The following ELAVL3 variants were observed in gnomAD, a reference collection of about 807,000 sequenced individuals.
ELAVL3 encodes ELAV like RNA binding protein 3.
ELAVL3 carries 8 observed loss-of-function variants against 34.2 expected under a neutral mutation model. That is an observed-to-expected ratio of 0.23 (90% CI 0.14 to 0.42). ELAVL3 has a LOEUF of 0.42. Ranked by LOEUF, ELAVL3 falls within the 10% of genes least tolerant of loss-of-function variation. The pLI, the probability that ELAVL3 is intolerant of heterozygous loss-of-function variation, is 1.00. For missense variants in ELAVL3, 273 were observed against 518.8 expected, an observed-to-expected ratio of 0.53 and a Z score of 4.60; for synonymous variants, 209 against 222.1, an observed-to-expected ratio of 0.94 and a Z score of 0.53.
chr19:11,458,631 G>T lies in ELAVL3; in HGVS notation c.334-20C>A. 1 of 1,612,476 alleles carries T rather than the reference G, an allele frequency of 6.2e-7. No individual in the cohort carries two copies. ...GGACACCTGGGTGAGGGGGTCAGAT[G>T]GACAGGGGTGAGGCAGAGACCCATT... On this transcript the variant is annotated intron_variant, in intron 3 of 6. Coordinates refer to ENST00000359227, the MANE Select transcript of ELAVL3 (RefSeq NM_001420.4). The surrounding 1 kb of genome is among the most constrained non-coding windows in gnomAD (Gnocchi z 7.3).
chr19:11,475,188 G>A (rs950310252), intron 1 of ELAVL3, among the ~76,000 whole-genome samples: 4 of 152,144 alleles, frequency 2.6e-5, no homozygotes, highest in African/African-American at 9.7e-5. Flanking sequence ...AGGCACTGTG[G>A]GAAATACTTT....
intron 1 of ELAVL3, among the ~76,000 whole-genome samples, chr19:11,471,194 C>A (rs1229296851): frequency 6.6e-6 from 1 of 151,872 alleles, no homozygotes; most frequent in Non-Finnish European, 1.5e-5. Flanking sequence ...CCTGTAATCT[C>A]AGCTACTCAG....
At chr19:11,474,375 T>C (rs1307834695) in intron 1 of ELAVL3, among the ~76,000 whole-genome samples, 2 of 152,096 alleles carry the variant, frequency 1.3e-5, no homozygotes, top group African/African-American at 2.4e-5. Flanking sequence ...GGCAGGCAGA[T>C]CACGAGGTCA....
At position 11,463,996 on chromosome 19, in the gene ELAVL3, C is replaced by CAA. The variant is rs1178739669; in HGVS notation, c.333+2174_333+2175dup. Among the ~76,000 whole-genome samples, 1,041 of 136,580 alleles carry CAA rather than the reference C, an allele frequency of 7.6e-3. 11 individuals are homozygous for CAA. The highest frequency in any genetic ancestry group is 0.026 in the African/African-American group (985 of 37,348). 89.6% of individuals were successfully genotyped at this position (136,580 alleles called of 152,430 possible). The stretch of plus-strand genomic sequence containing the variant: ...AAAAAACCCCAAAAAATCAAAAAAC[C>CAA]AAAAAAAAAAAACCTTATCCTACAG... On this transcript the variant is annotated intron_variant, in intron 3 of 6. Transcript: ENST00000359227.
At chr19:11,472,802 C>T (rs1034752874) in intron 1 of ELAVL3, among the ~76,000 whole-genome samples, 18 of 152,030 alleles carry the variant, frequency 1.2e-4, no homozygotes, top group African/African-American at 3.4e-4. Context: ...TGGTGGCTCA[C>T]GCCTGTAATC....
chr19:11,457,626 A>G (rs1322140503), intron 5 of ELAVL3, among the ~76,000 whole-genome samples: 1 of 152,020 alleles, frequency 6.6e-6, no homozygotes, highest in Non-Finnish European at 1.5e-5. Context: ...GGCCAGGCAA[A>G]CCCCAACACC....
chr19:11,461,815 CT>C lies in ELAVL3; in HGVS notation c.334-3205del, dbSNP rs543024545. ...CCTCTTGATAGATAGGGGTCATTGT[CT>C]TCTGGCTTTTGTTTGGGACAGTGAG... is the stretch of plus-strand genomic sequence containing the variant. On this transcript the variant is annotated intron_variant, in intron 3 of 6. Transcript: ENST00000359227. 3.4e-3 allele frequency among the ~76,000 whole-genome samples: 522 copies of C among 152,260 alleles called. 4 individuals carry two copies. The highest frequency in any genetic ancestry group is 5.5e-3 in the Non-Finnish European group (377 of 68,032).
rs1167468324 is a variant in ELAVL3 at position 11,452,316 on chromosome 19, TC to T, written c.*2209del. The T allele has an allele frequency of 6.6e-6, 1 of 152,194 alleles. No homozygotes were observed. The highest frequency in any genetic ancestry group is 1.5e-5 in the Non-Finnish European group (1 of 68,036). 9.4% of individuals were successfully genotyped at this position (152,194 alleles called of 1,614,324 possible). A position where few individuals can be genotyped will look rare whatever the true frequency, so the allele number is the denominator to read the frequency against. ...AAAGAAACAAAGAGAACATTGTCGT[TC>T]CTTTAACTTGCAAACCGGATGAAGT... is the stretch of plus-strand genomic sequence containing the variant. On this transcript the variant is annotated 3_prime_UTR_variant, in exon 7 of 7. Transcript: ENST00000359227.
At chr19:11,476,641 G>A (rs1016362241) in intron 1 of ELAVL3, among the ~76,000 whole-genome samples, 1 of 152,104 alleles carries the variant, frequency 6.6e-6, no homozygotes, top group Non-Finnish European at 1.5e-5. Flanking sequence ...GCTCAGGCCT[G>A]CAATCCCAAT....
chr19:11,473,505 C>T (rs1971207077), intron 1 of ELAVL3, among the ~76,000 whole-genome samples: 1 of 152,240 alleles, frequency 6.6e-6, no homozygotes, highest in Non-Finnish European at 1.5e-5. Flanking sequence ...TTATCTCAAC[C>T]ATCCCTGACT....
At chr19:11,464,835 A>ATGC (rs1970991089) in intron 3 of ELAVL3, among the ~76,000 whole-genome samples, 1 of 92,768 alleles carries the variant, frequency 1.1e-5, no homozygotes, top group African/African-American at 4.3e-5. Context: ...ACCACACACA[A>ATGC]ACCAGACACA....
At chr19:11,455,010 T>C in intron 6 of ELAVL3, 133 bp from the exon 7 acceptor site, 1 of 1,030,974 alleles carries the variant, frequency 9.7e-7, no homozygotes, top group Admixed American at 2.3e-5. Flanking sequence ...TGCAATTTTT[T>C]TTTTTAGAGA....
intron 1 of ELAVL3, among the ~76,000 whole-genome samples, chr19:11,473,703 C>T (rs1971210867): frequency 6.6e-6 from 1 of 152,192 alleles, no homozygotes; most frequent in South Asian, 2.1e-4. Flanking sequence ...TGCCAAAGAT[C>T]ATGCAGCATA....
In ELAVL3 at chr19:11,480,881, CGGCCCCGCGG is replaced by C; in HGVS notation, c.-283_-274del. 1 of 352,934 alleles carries C rather than the reference CGGCCCCGCGG, an allele frequency of 2.8e-6. No homozygotes were observed. Among genetic ancestry groups the C allele is most frequent in the East Asian group, 4.2e-5 (1 of 23,852 alleles). The allele number at this position is 352,934 out of a possible 1,614,324, so 21.9% of individuals were successfully genotyped here. A position where few individuals can be genotyped will look rare whatever the true frequency, so the allele number is the denominator to read the frequency against. On this transcript the variant is annotated 5_prime_UTR_variant, in exon 1 of 7. Coordinates refer to ENST00000359227, the MANE Select transcript of ELAVL3 (RefSeq NM_001420.4). This position sits in a 1 kb window ranked among gnomAD's most constrained non-coding sequence, Gnocchi z 6.8. ...CGCGGGGTTGAGGACGCCCCCTGCG[CGGCCCCGCGG>C]GGCCCGGGGAGGTTGCGCTTCCCGA...
chr19:11,479,985 G>T (rs921517526), intron 1 of ELAVL3, among the ~76,000 whole-genome samples: 1 of 150,952 alleles, frequency 6.6e-6, no homozygotes, highest in Non-Finnish European at 1.5e-5. Context: ...GCGCCCGCGC[G>T]AGGCTGCGGC....
chr19:11,461,408 C>T (rs999728674), intron 3 of ELAVL3, among the ~76,000 whole-genome samples: 3 of 151,980 alleles, frequency 2.0e-5, no homozygotes, highest in Non-Finnish European at 4.4e-5. Flanking sequence ...GAGGCTGGGG[C>T]GTGGTCATCA....
intron 5 of ELAVL3, 94 bp downstream of exon 5, chr19:11,457,967 C>A: frequency 7.2e-7 from 1 of 1,380,628 alleles, no homozygotes. Flanking sequence ...GCGCACCCTC[C>A]CGGCATCCCT....
At position 11,452,557 on chromosome 19, in the gene ELAVL3, T is replaced by C. The variant is rs1278723790; in HGVS notation, c.*1969A>G. On this transcript the variant is annotated 3_prime_UTR_variant, in exon 7 of 7. Transcript: ENST00000359227. ...GCTTTTTTTTCCTCTTCTGTTTGTGTTTTTTTGTCGCTTTTTTGATTTTTT... is the reference window on the plus strand; with the variant it reads ...GCTTTTTTTTCCTCTTCTGTTTGTGCTTTTTTGTCGCTTTTTTGATTTTTT... 1.3e-5 allele frequency: 2 copies of C among 151,714 alleles called. No homozygotes were observed. The highest frequency in any genetic ancestry group is 2.9e-5 in the Non-Finnish European group (2 of 67,956). The allele number at this position is 151,714 out of a possible 1,614,324, so 9.4% of individuals were successfully genotyped here. A position where few individuals can be genotyped will look rare whatever the true frequency, so the allele number is the denominator to read the frequency against.
At position 11,462,465 on chromosome 19, in the gene ELAVL3, C is replaced by T. The variant is rs1031372834; in HGVS notation, c.333+3707G>A. On this transcript the variant is annotated intron_variant, in intron 3 of 6. Coordinates refer to ENST00000359227, the MANE Select transcript of ELAVL3 (RefSeq NM_001420.4). ...CACCCTGGCCAACATGGTGAAACCC[C>T]GTCTCTACTAAAAATGCAAAAATTA... 6.6e-5 allele frequency among the ~76,000 whole-genome samples: 10 copies of T among 150,868 alleles called. No homozygotes were observed. The East Asian group carries it at 1.2e-3, about 18-fold the overall frequency.
Sources: allele counts gnomAD v4.1 joint callset (sites outside exome capture counted in the v4.1 genomes callset), GRCh38; gene constraint gnomAD v4.1.1; non-coding constraint Gnocchi (gnomAD v3.1); transcripts MANE v1.5; gene names NCBI Gene and HGNC (gene_info 2026-07-23, HGNC 2026-07-21).